Variants in XPR1 observed in about 807,000 individuals in gnomAD.
The protein encoded by XPR1 is solute carrier family 53 member 1.
In XPR1, 28 loss-of-function variants were observed where a neutral mutation model predicts 87.5. The observed-to-expected ratio is 0.32, with a 90% confidence interval of 0.24 to 0.44. The LOEUF is 0.44. Among genes scored for constraint, XPR1 ranks in the 20% least tolerant of loss-of-function variants. XPR1 has a pLI of 1.00. For missense variants in XPR1, 559 were observed against 862.3 expected, an observed-to-expected ratio of 0.65 and a Z score of 4.41; for synonymous variants, 300 against 306.1, an observed-to-expected ratio of 0.98 and a Z score of 0.21.
At chr1:180,679,608 T>C (rs982954010) in intron 1 of XPR1, among the ~76,000 whole-genome samples, 2 of 152,204 alleles carry the variant, frequency 1.3e-5, no homozygotes, top group African/African-American at 4.8e-5. Context: ...CAGAGAACTA[T>C]TTCTCATTCT....
At chr1:180,680,694 A>G (rs1185710551) in intron 1 of XPR1, among the ~76,000 whole-genome samples, 1 of 152,102 alleles carries the variant, frequency 6.6e-6, no homozygotes, top group African/African-American at 2.4e-5. Flanking sequence ...ATGAATCAGC[A>G]ATCCCACTAC....
intron 1 of XPR1, among the ~76,000 whole-genome samples, chr1:180,659,913 A>G (rs1050590850): frequency 2.6e-5 from 4 of 151,902 alleles, no homozygotes; most frequent in African/African-American, 4.8e-5. Flanking sequence ...CTCTTCCTCT[A>G]TTTTTTGGAG....
At chr1:180,717,868 G>A (rs1270479707) in intron 2 of XPR1, among the ~76,000 whole-genome samples, 2 of 152,028 alleles carry the variant, frequency 1.3e-5, no homozygotes, top group African/African-American at 4.8e-5. Flanking sequence ...TGGTACAAAA[G>A]TAATTGTGTT....
At chr1:180,656,570 T>TATATATAA (rs1655527474) in intron 1 of XPR1, among the ~76,000 whole-genome samples, 3 of 71,332 alleles carry the variant, frequency 4.2e-5, no homozygotes, top group Admixed American at 2.4e-4. Context: ...TAATATATAT[T>TATATATAA]TTATATATGT....
chr1:180,876,110 C>G (rs906667194), intron 13 of XPR1, among the ~76,000 whole-genome samples: 37 of 151,998 alleles, frequency 2.4e-4, no homozygotes, highest in African/African-American at 8.7e-4. Flanking sequence ...CAATTTTATA[C>G]AAAACTCTTC....
chr1:180,782,963 G>A (rs1017455250), intron 2 of XPR1, among the ~76,000 whole-genome samples: 10 of 151,944 alleles, frequency 6.6e-5, no homozygotes, highest in African/African-American at 2.4e-4. Context: ...GAAATTCTCT[G>A]ATTCTCCAAT....
chr1:180,792,932 C>T (rs181836360), intron 3 of XPR1, among the ~76,000 whole-genome samples: 1 of 152,020 alleles, frequency 6.6e-6, no homozygotes, highest in Admixed American at 6.5e-5. Flanking sequence ...ATATGTGTTG[C>T]TTCTAATATT....
chr1:180,810,900 C>T (rs905636742), intron 6 of XPR1, among the ~76,000 whole-genome samples: 4 of 151,678 alleles, frequency 2.6e-5, no homozygotes, highest in African/African-American at 4.8e-5. Context: ...TAGCAAAATC[C>T]GTGGATGCTC....
chr1:180,701,685 G>T lies in XPR1; in HGVS notation c.121+19274G>T, dbSNP rs1296660973. On this transcript the variant is annotated intron_variant, in intron 2 of 14. Transcript: ENST00000367590. The stretch of plus-strand genomic sequence containing the variant: ...ATATTGGTCTAAAATTCTCTTTTTT[G>T]GTTGTGTCTCTGCCCGGCTTTGGTA... Among the ~76,000 whole-genome samples, 61 of 132,148 alleles carry T rather than the reference G, an allele frequency of 4.6e-4. 1 individual carries two copies. The highest frequency in any genetic ancestry group is 1.4e-3 in the South Asian group (6 of 4,250). 86.7% of individuals were successfully genotyped at this position (132,148 alleles called of 152,430 possible).
chr1:180,845,207 A>G (rs1533422), intron 11 of XPR1, among the ~76,000 whole-genome samples: 1 of 151,968 alleles, frequency 6.6e-6, no homozygotes, highest in Non-Finnish European at 1.5e-5. Flanking sequence ...GTACGGAGAG[A>G]TGAAAACTCA....
intron 6 of XPR1, among the ~76,000 whole-genome samples, chr1:180,808,329 T>C (rs1344436846): frequency 1.3e-5 from 2 of 149,724 alleles, no homozygotes; most frequent in Non-Finnish European, 3.0e-5. Flanking sequence ...CTTCACAACA[T>C]ACAGTTCTAA....
At chr1:180,837,470 A>AT (rs112003432) in intron 11 of XPR1, among the ~76,000 whole-genome samples, 6,513 of 151,546 alleles carry the variant, frequency 0.043, 501 homozygotes, top group African/African-American at 0.15. Context: ...TTTTTCAGTG[A>AT]TTTTTTTTTC....
chr1:180,818,365 C>T (rs1297332217), intron 7 of XPR1, among the ~76,000 whole-genome samples: 1 of 148,612 alleles, frequency 6.7e-6, no homozygotes, highest in Non-Finnish European at 1.5e-5. Context: ...TATTTGCTTA[C>T]TAACACAACC....
intron 1 of XPR1, among the ~76,000 whole-genome samples, chr1:180,656,553 A>ATATGTATAATATATATTTTATATATG (rs1260421884): frequency 7.1e-4 from 10 of 14,000 alleles, no homozygotes; most frequent in East Asian, 5.8e-3. Context: ...TTATATATTT[A>ATATGTATAATATATATTTTATATATG]TATGTATAAT....
At chr1:180,657,558 A>C (rs1412264843) in intron 1 of XPR1, among the ~76,000 whole-genome samples, 1 of 152,164 alleles carries the variant, frequency 6.6e-6, no homozygotes, top group Admixed American at 6.5e-5. Flanking sequence ...TCCTTTCTCC[A>C]ATGTATGTTC....
At chr1:180,678,286 T>C (rs1001620896) in intron 1 of XPR1, among the ~76,000 whole-genome samples, 2 of 152,212 alleles carry the variant, frequency 1.3e-5, no homozygotes, top group African/African-American at 4.8e-5. Context: ...CCTTCTCCCT[T>C]CTTCAGAGGT....
rs200143256 is a variant in XPR1 at position 180,659,373 on chromosome 1, GTCCT to G, written c.70-22983_70-22980del. On this transcript the variant is annotated intron_variant, in intron 1 of 14. Coordinates refer to ENST00000367590, the MANE Select transcript of XPR1 (RefSeq NM_004736.4). Reference sequence around the variant, plus strand: ...CTTCCGTCCTTCCGTCCTTCCGTCCGTCCTTCCGTCCTTCCTTCCTTCCTTCCTT... The same window carrying G: ...CTTCCGTCCTTCCGTCCTTCCGTCCGTCCGTCCTTCCTTCCTTCCTTCCTT... Among the ~76,000 whole-genome samples, 316 of 73,240 alleles carry G rather than the reference GTCCT, an allele frequency of 4.3e-3. 7 individuals are homozygous for G. The highest frequency in any genetic ancestry group is 0.018 in the African/African-American group (301 of 16,826). 48.0% of individuals were successfully genotyped at this position (73,240 alleles called of 152,430 possible).
intron 14 of XPR1, 104 bp downstream of exon 14, chr1:180,880,401 A>C: frequency 7.9e-7 from 1 of 1,265,504 alleles, no homozygotes. Context: ...GAAATTGCCA[A>C]TACTCAGCCA....
intron 2 of XPR1, among the ~76,000 whole-genome samples, chr1:180,729,422 G>A (rs1423879446): frequency 6.6e-6 from 1 of 152,148 alleles, no homozygotes; most frequent in Non-Finnish European, 1.5e-5. Context: ...CCAATAGTGG[G>A]AATGATAGTT....
Sources: gnomAD v4.1 joint callset for allele counts (sites outside exome capture counted in the v4.1 genomes callset) on GRCh38, gnomAD v4.1.1 for gene constraint, MANE v1.5 for transcripts, NCBI Gene and HGNC (gene_info 2026-07-23, HGNC 2026-07-21) for gene names.